ZHX2: variants seen among roughly 807,000 people sequenced by gnomAD.
ZHX2 encodes the protein zinc fingers and homeoboxes protein 2.
Under a neutral mutation model 21.9 loss-of-function variants are expected in ZHX2, and 6 were observed. The ratio of observed to expected loss-of-function variants is 0.27; its 90% CI spans 0.15 to 0.54. ZHX2 has a LOEUF of 0.54. ZHX2 is among the 20% of genes least tolerant of loss of function. The pLI is 0.95. For synonymous variants in ZHX2, 434 were observed against 437.1 expected (o/e 0.99, Z 0.09); for missense variants, 908 against 1,090.7 (o/e 0.83, Z 2.36).
intron 2 of ZHX2, among the ~76,000 whole-genome samples, chr8:122,870,093 C>G (rs753960929): frequency 4.6e-5 from 7 of 152,082 alleles, no homozygotes; most frequent in Non-Finnish European, 8.8e-5. Context: ...GAGGGGAAAC[C>G]TGGGCAGAGG....
chr8:122,872,018 T>C (rs1685466845), intron 2 of ZHX2, among the ~76,000 whole-genome samples: 1 of 152,184 alleles, frequency 6.6e-6, no homozygotes. Context: ...CCAACTGCAC[T>C]ATAACCCTGA....
chr8:122,813,172 G>A (rs573246199), intron 1 of ZHX2, among the ~76,000 whole-genome samples: 1 of 151,014 alleles, frequency 6.6e-6, no homozygotes, highest in Admixed American at 6.6e-5. Context: ...CTCCAGCCTG[G>A]GCAACAAGAG....
chr8:122,870,357 C>T (rs1247817146), intron 2 of ZHX2, among the ~76,000 whole-genome samples: 3 of 151,862 alleles, frequency 2.0e-5, no homozygotes, highest in Non-Finnish European at 4.4e-5. Context: ...GTGCCAGGCA[C>T]GGTAGCTCAC....
At chr8:122,873,921 G>A (rs1449787111) in intron 2 of ZHX2, among the ~76,000 whole-genome samples, 1 of 152,170 alleles carries the variant, frequency 6.6e-6, no homozygotes, top group Non-Finnish European at 1.5e-5. Context: ...AGAACATGCA[G>A]TTTCTCAGAC....
intron 2 of ZHX2, among the ~76,000 whole-genome samples, chr8:122,874,236 C>T (rs1819513064): frequency 6.6e-6 from 1 of 152,158 alleles, no homozygotes; most frequent in South Asian, 2.1e-4. Flanking sequence ...GATTAGGGCA[C>T]AGGCATCTTT....
intron 3 of ZHX2, among the ~76,000 whole-genome samples, chr8:122,960,815 AAGG>A (rs1290185699): frequency 3.9e-5 from 6 of 152,142 alleles, no homozygotes; most frequent in African/African-American, 1.4e-4. Flanking sequence ...CTCACCAGTA[AAGG>A]AGATGACATG....
chr8:122,942,999 T>A (rs188048878), intron 2 of ZHX2, among the ~76,000 whole-genome samples: 6 of 152,106 alleles, frequency 3.9e-5, no homozygotes, highest in Admixed American at 3.9e-4. Context: ...CGGTGGCTCA[T>A]GCCTGTAATC....
chr8:122,951,768 C>T lies in ZHX2; in HGVS notation c.258C>T (p.Ser86=), dbSNP rs775148155. The T allele has an allele frequency of 2.5e-6, 4 of 1,614,100 alleles. No homozygotes were observed. The highest frequency in any genetic ancestry group is 2.5e-6 in the Non-Finnish European group (3 of 1,180,024). ...GGYECKYCPY[S]TQNLNEFTEH... ...ATGAGTGCAAATACTGCCCCTACTC[C>T]ACGCAAAACCTGAACGAGTTCACGG... The change falls in exon 3 of 4, where the codon TCC becomes TCT. Residue 86 remains serine (S), a synonymous_variant. Transcript: ENST00000314393.
At chr8:122,839,446 A>G (rs1004337488) in intron 1 of ZHX2, among the ~76,000 whole-genome samples, 2 of 152,184 alleles carry the variant, frequency 1.3e-5, no homozygotes, top group African/African-American at 4.8e-5. Flanking sequence ...TCGTATCCTC[A>G]GATGACCTCC....
intron 2 of ZHX2, among the ~76,000 whole-genome samples, chr8:122,885,917 T>C (rs962616848): frequency 3.3e-5 from 5 of 152,188 alleles, no homozygotes; most frequent in Non-Finnish European, 4.4e-5. Flanking sequence ...GATCCAGACC[T>C]TTCTTCCTCT....
chr8:122,880,066 G>A (rs554148754), intron 2 of ZHX2, among the ~76,000 whole-genome samples: 39 of 149,128 alleles, frequency 2.6e-4, no homozygotes, highest in African/African-American at 8.1e-4. Flanking sequence ...TCCACCTCCC[G>A]GGTTCAAGTG....
At chr8:122,907,396 C>A (rs924031052) in intron 2 of ZHX2, among the ~76,000 whole-genome samples, 1 of 152,086 alleles carries the variant, frequency 6.6e-6, no homozygotes, top group Non-Finnish European at 1.5e-5. Flanking sequence ...ATAGGTGAGA[C>A]ACAAATGGTT....
At chr8:122,831,729 G>A (rs1321380395) in intron 1 of ZHX2, among the ~76,000 whole-genome samples, 1 of 152,210 alleles carries the variant, frequency 6.6e-6, no homozygotes, top group African/African-American at 2.4e-5. Context: ...GCTTTAAGGA[G>A]CTTGTTGATG....
At chr8:122,879,211 T>C (rs1381911973) in intron 2 of ZHX2, among the ~76,000 whole-genome samples, 3 of 152,046 alleles carry the variant, frequency 2.0e-5, no homozygotes, top group African/African-American at 7.2e-5. Flanking sequence ...TCTTGTTTTG[T>C]TTTGGGTTTT....
chr8:122,930,421 A>G (rs1333494422), intron 2 of ZHX2, among the ~76,000 whole-genome samples: 1 of 152,202 alleles, frequency 6.6e-6, no homozygotes, highest in Non-Finnish European at 1.5e-5. Flanking sequence ...TGAAGTGTAA[A>G]TTAAAAATCA....
chr8:122,831,969 A>G (rs1327656748), intron 1 of ZHX2, among the ~76,000 whole-genome samples: 1 of 152,142 alleles, frequency 6.6e-6, no homozygotes, highest in African/African-American at 2.4e-5. Context: ...TGGGGTGGTG[A>G]CACTACAGCA....
Position 122,952,915 on chromosome 8 carries a change from GT to G in ZHX2, c.1408del (p.Tyr470ThrfsTer6). The G allele has an allele frequency of 6.2e-7, 1 of 1,614,164 alleles. No individual in the cohort carries two copies. The highest frequency in any genetic ancestry group is 1.3e-5 in the African/African-American group (1 of 75,028). On this transcript the variant is annotated frameshift_variant, in exon 3 of 4. Coordinates refer to ENST00000314393, the MANE Select transcript of ZHX2 (RefSeq NM_014943.5). LOFTEE classifies it low-confidence loss of function (END_TRUNC). This position sits in a 1 kb window ranked among gnomAD's most constrained non-coding sequence, Gnocchi z 6.9. ...LQSQFPDDAE[V>X]YRLIEVTGLA... ...GAGCCAGTTCCCTGACGATGCCGAG[GT>G]TTACCGGCTCATCGAGGTGACTGGC...
chr8:122,898,943 C>A (rs1459056716), intron 2 of ZHX2, among the ~76,000 whole-genome samples: 1 of 152,224 alleles, frequency 6.6e-6, no homozygotes, highest in African/African-American at 2.4e-5. Context: ...CACTCCCGGC[C>A]TTGTTCTTCT....
At chr8:122,867,839 A>G (rs556801512) in intron 2 of ZHX2, among the ~76,000 whole-genome samples, 2 of 152,350 alleles carry the variant, frequency 1.3e-5, no homozygotes, top group East Asian at 3.9e-4. Flanking sequence ...CTGAAAGCAT[A>G]GCTTTTTTCT....
Sources: allele counts gnomAD v4.1 joint callset (sites outside exome capture counted in the v4.1 genomes callset), GRCh38; gene constraint gnomAD v4.1.1; non-coding constraint Gnocchi (gnomAD v3.1); transcripts MANE v1.5; gene names NCBI Gene and HGNC (gene_info 2026-07-23, HGNC 2026-07-21).